The following PRKD3 variants were observed in gnomAD, a reference collection of about 807,000 sequenced individuals.
PRKD3 encodes the protein serine/threonine-protein kinase D3.
In PRKD3, 47 loss-of-function variants were observed where a neutral mutation model predicts 99.2. The ratio of observed to expected loss-of-function variants is 0.47; its 90% CI spans 0.38 to 0.60. The LOEUF is 0.60. Ranked by LOEUF, PRKD3 falls within the 20% of genes least tolerant of loss-of-function variation. PRKD3 has a pLI of 0.00. For synonymous variants in PRKD3, 392 were observed against 355.4 expected (o/e 1.10, Z -1.16); for missense variants, 1,019 against 1,088.4 (o/e 0.94, Z 0.90).
chr2:37,256,542 A>G lies in PRKD3; in HGVS notation c.2413+120T>C, dbSNP rs1262661067. ...GTAACTAGTTGAATTTGGAAGATGA[A>G]TGGGAGATGTACTAAAAAGATAAGT... is the stretch of plus-strand genomic sequence containing the variant. On this transcript the variant is annotated intron_variant, in intron 17 of 18. Transcript: ENST00000234179. 3 of 1,252,186 alleles carry G rather than the reference A, an allele frequency of 2.4e-6. No individual in the cohort carries two copies. In the African/African-American group the frequency reaches 4.6e-5, roughly 19 times the overall value. The allele number at this position is 1,252,186 out of a possible 1,614,324, so 77.6% of individuals were successfully genotyped here. A position where few individuals can be genotyped will look rare whatever the true frequency, so the allele number is the denominator to read the frequency against.
rs1005666513 is a variant in PRKD3 at position 37,253,001 on chromosome 2, T to C, written c.*176A>G. 1.2e-5 allele frequency: 6 copies of C among 513,496 alleles called. No homozygotes were observed. The highest frequency in any genetic ancestry group is 1.1e-3 in the Middle Eastern group (2 of 1,858). The allele number at this position is 513,496 out of a possible 1,614,324, so 31.8% of individuals were successfully genotyped here. On this transcript the variant is annotated 3_prime_UTR_variant, in exon 19 of 19. Transcript: ENST00000234179. ...TTGATTCCATTATGACTTCTTATTA[T>C]TCAGTTTCCCGCCTGTACCTACTCA...
At chr2:37,261,936 T>A (rs1384999806) in intron 14 of PRKD3, among the ~76,000 whole-genome samples, 1 of 152,222 alleles carries the variant, frequency 6.6e-6, no homozygotes, top group Non-Finnish European at 1.5e-5. Flanking sequence ...ATTCATAAAT[T>A]ACATAAGATA....
chr2:37,258,295 C>A lies in PRKD3; in HGVS notation c.2145+1288G>T, dbSNP rs146931541. Among the ~76,000 whole-genome samples the A allele has an allele frequency of 4.1e-3, 628 of 152,320 alleles. 6 individuals are homozygous for A. Among genetic ancestry groups the A allele is most frequent in the African/African-American group, 0.014 (599 of 41,568 alleles). ...TATTTGCTCAAAATCATTACTGAATCTGGCTGCTTCTCGATTTCAGTGTCT... is the reference window on the plus strand; with the variant it reads ...TATTTGCTCAAAATCATTACTGAATATGGCTGCTTCTCGATTTCAGTGTCT... On this transcript the variant is annotated intron_variant, in intron 16 of 18. Coordinates refer to ENST00000234179, the MANE Select transcript of PRKD3 (RefSeq NM_005813.6).
chr2:37,289,974 G>A (rs543123615), intron 4 of PRKD3, among the ~76,000 whole-genome samples: 1 of 152,210 alleles, frequency 6.6e-6, no homozygotes, highest in South Asian at 2.1e-4. Flanking sequence ...CCTAAATAAA[G>A]TTTTATTGGA....
At position 37,251,169 on chromosome 2, in the gene PRKD3, C is replaced by A. The variant is rs1200303146; in HGVS notation, c.*2008G>T. 1 of 152,454 alleles carries A rather than the reference C, an allele frequency of 6.6e-6. No individual in the cohort carries two copies. Among genetic ancestry groups the A allele is most frequent in the African/African-American group, 2.4e-5 (1 of 41,388 alleles). The allele number at this position is 152,454 out of a possible 1,614,324, so 9.4% of individuals were successfully genotyped here. On this transcript the variant is annotated 3_prime_UTR_variant, in exon 19 of 19. Coordinates refer to ENST00000234179, the MANE Select transcript of PRKD3 (RefSeq NM_005813.6). ...ACTTTGGTGAAACTGGGAAGTCATC[C>A]TCTATCACAGGGAAAATAACATTTC... is the stretch of plus-strand genomic sequence containing the variant.
At chr2:37,275,745 T>C in intron 10 of PRKD3, 22 bp downstream of exon 10, 1 of 1,579,724 alleles carries the variant, frequency 6.3e-7, no homozygotes, top group South Asian at 1.2e-5. Flanking sequence ...TGCTTATATT[T>C]TTTAAAGTGT....
chr2:37,299,693 A>AC (rs1670836317), intron 2 of PRKD3, among the ~76,000 whole-genome samples: 1 of 152,176 alleles, frequency 6.6e-6, no homozygotes, highest in Admixed American at 6.5e-5. Flanking sequence ...AACAACAACA[A>AC]AAAAAGAAAA....
At position 37,316,453 on chromosome 2, in the gene PRKD3, T is replaced by G. The variant is rs1266446711; in HGVS notation, c.72A>C (p.Pro24=). ...VLPTAIPAVL[P]AASPCSSPKT... ...TAGGACTTGAACACGGAGAAGCAGCTGGAAGCACAGCAGGAATAGCTGTGG... is the reference window on the plus strand; with the variant it reads ...TAGGACTTGAACACGGAGAAGCAGCGGGAAGCACAGCAGGAATAGCTGTGG... The change falls in exon 2 of 19, where the codon CCA becomes CCC. Residue 24 remains proline (P), a synonymous_variant. Transcript: ENST00000234179. 8.7e-6 allele frequency: 14 copies of G among 1,614,120 alleles called. No homozygotes were observed. Among genetic ancestry groups the G allele is most frequent in the Admixed American group, 1.7e-5 (1 of 60,014 alleles).
rs1002008449 is a variant in PRKD3 at position 37,324,763 on chromosome 2, C to T, written c.-738G>A. 6.6e-6 allele frequency: 1 copy of T among 151,206 alleles called. No homozygotes were observed. Among genetic ancestry groups the T allele is most frequent in the African/African-American group, 2.4e-5 (1 of 41,336 alleles). 9.4% of individuals were successfully genotyped at this position (151,206 alleles called of 1,614,324 possible). ...GAGGCGCCAGCGAGGCTTCACGCGCCTCGCAGGATCCCGCCCGCCTCCGGC... is the reference window on the plus strand; with the variant it reads ...GAGGCGCCAGCGAGGCTTCACGCGCTTCGCAGGATCCCGCCCGCCTCCGGC... On this transcript the variant is annotated 5_prime_UTR_variant, in exon 1 of 19. Coordinates refer to ENST00000234179, the MANE Select transcript of PRKD3 (RefSeq NM_005813.6).
Position 37,317,002 on chromosome 2 carries a change from T to C in PRKD3, c.-478A>G, listed in dbSNP as rs372389174. The C allele has an allele frequency of 3.0e-6, 3 of 987,066 alleles. No homozygotes were observed. The highest frequency in any genetic ancestry group is 3.6e-6 in the Non-Finnish European group (3 of 831,196). 61.1% of individuals were successfully genotyped at this position (987,066 alleles called of 1,614,324 possible). On this transcript the variant is annotated 5_prime_UTR_variant, in exon 2 of 19. Coordinates refer to ENST00000234179, the MANE Select transcript of PRKD3 (RefSeq NM_005813.6). ...CTTTTCCTTTGGTTTACTAATTTGATAGGACACCTTCTCAAATGTCCACAC... is the reference window on the plus strand; with the variant it reads ...CTTTTCCTTTGGTTTACTAATTTGACAGGACACCTTCTCAAATGTCCACAC...
intron 2 of PRKD3, among the ~76,000 whole-genome samples, chr2:37,314,408 A>C (rs1348820169): frequency 1.3e-5 from 2 of 152,180 alleles, no homozygotes; most frequent in Admixed American, 1.3e-4. Flanking sequence ...AGTTGCTCAC[A>C]GATCAAGATT....
At chr2:37,305,663 C>G (rs1671131574) in intron 2 of PRKD3, among the ~76,000 whole-genome samples, 1 of 152,162 alleles carries the variant, frequency 6.6e-6, no homozygotes, top group Non-Finnish European at 1.5e-5. Context: ...CACTTTATCT[C>G]TGTTTTTTAT....
intron 2 of PRKD3, among the ~76,000 whole-genome samples, chr2:37,309,470 A>G (rs1464057561): frequency 6.6e-6 from 1 of 152,234 alleles, no homozygotes; most frequent in Non-Finnish European, 1.5e-5. Context: ...CTGCTCAACA[A>G]TGGTAATTAA....
chr2:37,323,300 C>G (rs1057054376), intron 1 of PRKD3, among the ~76,000 whole-genome samples: 2 of 151,212 alleles, frequency 1.3e-5, no homozygotes, highest in Middle Eastern at 3.4e-3. Context: ...ATTACAGAAC[C>G]TGAGTCACCC....
chr2:37,289,807 A>G (rs2160393), intron 4 of PRKD3, among the ~76,000 whole-genome samples: 107,158 of 152,092 alleles, frequency 0.7, 38,380 homozygotes, highest in East Asian at 0.98. Flanking sequence ...GATCTACTGA[A>G]TTAGAAACTA....
chr2:37,285,233 A>C (rs1325038553), intron 6 of PRKD3, among the ~76,000 whole-genome samples: 1 of 152,224 alleles, frequency 6.6e-6, no homozygotes, highest in African/African-American at 2.4e-5. Context: ...TCTACTGTGA[A>C]AAGTTTCTAC....
chr2:37,280,030 TTA>T (rs1669775117), intron 7 of PRKD3, 101 bp from the exon 8 acceptor site: 1 of 766,818 alleles, frequency 1.3e-6, no homozygotes, highest in Non-Finnish European at 2.0e-6. Flanking sequence ...GAAAATATCT[TTA>T]TGAGTTAAGT....
At chr2:37,286,394 G>A (rs1214753534) in intron 5 of PRKD3, 25 bp from the exon 6 acceptor site, 1 of 1,590,470 alleles carries the variant, frequency 6.3e-7, no homozygotes, top group Non-Finnish European at 8.6e-7. Flanking sequence ...ATTTTCATAA[G>A]TGTAAGTCAA....
chr2:37,316,716 T>A lies in PRKD3; in HGVS notation c.-192A>T. ...AAGGAGTTGAATGCCCCAAAGGTCCTATTTCTCTTAATATCAGTCCCATCA... is the reference window on the plus strand; with the variant it reads ...AAGGAGTTGAATGCCCCAAAGGTCCAATTTCTCTTAATATCAGTCCCATCA... On this transcript the variant is annotated 5_prime_UTR_variant, in exon 2 of 19. Coordinates refer to ENST00000234179, the MANE Select transcript of PRKD3 (RefSeq NM_005813.6). 7.1e-7 allele frequency: 1 copy of A among 1,417,088 alleles called. No homozygotes were observed. The highest frequency in any genetic ancestry group is 9.2e-7 in the Non-Finnish European group (1 of 1,092,192). The allele number at this position is 1,417,088 out of a possible 1,614,324, so 87.8% of individuals were successfully genotyped here. A position where few individuals can be genotyped will look rare whatever the true frequency, so the allele number is the denominator to read the frequency against.
Sources: gnomAD v4.1 joint callset for allele counts (sites outside exome capture counted in the v4.1 genomes callset) on GRCh38, gnomAD v4.1.1 for gene constraint, MANE v1.5 for transcripts, NCBI Gene and HGNC (gene_info 2026-07-23, HGNC 2026-07-21) for gene names.